The following GMDS variants were observed in gnomAD, a reference collection of about 807,000 sequenced individuals.
The protein encoded by GMDS is GDP-mannose 4,6 dehydratase.
A neutral mutation model predicts 49.9 loss-of-function variants in GMDS; 20 were observed. The ratio of observed to expected loss-of-function variants is 0.40; its 90% CI spans 0.28 to 0.58. The LOEUF (loss-of-function observed/expected upper bound fraction) is 0.58. Ranked by LOEUF, GMDS falls within the 20% of genes least tolerant of loss-of-function variation. GMDS has a pLI of 0.42. For synonymous variants in GMDS, 177 were observed against 178.6 expected, an observed-to-expected ratio of 0.99 and a Z score of 0.07; for missense variants, 362 against 481.4, an observed-to-expected ratio of 0.75 and a Z score of 2.32.
At chr6:1,961,842 G>C (rs1763961265) in intron 4 of GMDS, among the ~76,000 whole-genome samples, 1 of 152,202 alleles carries the variant, frequency 6.6e-6, no homozygotes, top group Non-Finnish European at 1.5e-5. Context: ...GCTGGGTCCT[G>C]CATGTGTGCC....
intron 4 of GMDS, among the ~76,000 whole-genome samples, chr6:2,063,905 A>G (rs1327690531): frequency 6.6e-6 from 1 of 152,246 alleles, no homozygotes; most frequent in Non-Finnish European, 1.5e-5. Flanking sequence ...AAGAACAGCA[A>G]TAAATAAAAC....
chr6:2,209,606 TTCTC>T (rs143707347), intron 1 of GMDS, among the ~76,000 whole-genome samples: 1,791 of 120,914 alleles, frequency 0.015, 11 homozygotes, highest in African/African-American at 0.028. Context: ...CACACACACG[TTCTC>T]TCTCTCTCTC....
At chr6:2,164,527 T>C (rs1777564299) in intron 1 of GMDS, among the ~76,000 whole-genome samples, 1 of 152,154 alleles carries the variant, frequency 6.6e-6, no homozygotes, top group African/African-American at 2.4e-5. Context: ...CTACTCCCAT[T>C]GGGGGTGGAG....
intron 4 of GMDS, among the ~76,000 whole-genome samples, chr6:2,014,312 T>C (rs951098495): frequency 6.6e-6 from 1 of 151,800 alleles, no homozygotes; most frequent in Admixed American, 6.6e-5. Context: ...AATGAAATCG[T>C]TTTTATTCTT....
At chr6:1,700,079 G>A (rs1364454277) in intron 9 of GMDS, among the ~76,000 whole-genome samples, 4 of 152,124 alleles carry the variant, frequency 2.6e-5, no homozygotes, top group African/African-American at 2.4e-5. Flanking sequence ...CCTCCGCACC[G>A]ACACCAAAGT....
intron 7 of GMDS, among the ~76,000 whole-genome samples, chr6:1,903,040 C>T (rs192935314): frequency 5.3e-5 from 8 of 152,180 alleles, no homozygotes; most frequent in Admixed American, 5.2e-4. Context: ...TCAAATGTGT[C>T]TATTATAAAT....
intron 7 of GMDS, among the ~76,000 whole-genome samples, chr6:1,753,144 C>G (rs758767559): frequency 2.5e-4 from 38 of 152,104 alleles, no homozygotes; most frequent in Non-Finnish European, 4.4e-4. Context: ...AGACCCATCT[C>G]ATGTGCAAAG....
intron 7 of GMDS, among the ~76,000 whole-genome samples, chr6:1,871,058 GCA>G (rs3839602): frequency 0.051 from 7,519 of 146,978 alleles, 584 homozygotes; most frequent in African/African-American, 0.17. Flanking sequence ...CTATCCCCCA[GCA>G]CACACACACA....
At chr6:1,758,264 A>G (rs1047860985) in intron 7 of GMDS, among the ~76,000 whole-genome samples, 1 of 152,222 alleles carries the variant, frequency 6.6e-6, no homozygotes, top group African/African-American at 2.4e-5. Flanking sequence ...CTTGGTCATT[A>G]TCTCCACCTC....
intron 9 of GMDS, among the ~76,000 whole-genome samples, chr6:1,706,586 G>A (rs1765745058): frequency 6.6e-6 from 1 of 152,194 alleles, no homozygotes; most frequent in South Asian, 2.1e-4. Context: ...ACCAGCGGAG[G>A]AGAACCCCTC....
At chr6:1,809,191 T>C (rs1354831441) in intron 7 of GMDS, among the ~76,000 whole-genome samples, 1 of 152,238 alleles carries the variant, frequency 6.6e-6, no homozygotes, top group Non-Finnish European at 1.5e-5. Flanking sequence ...TCAAAGTTGA[T>C]GACTTCTTAA....
chr6:2,131,661 G>A (rs1430503680), intron 1 of GMDS, among the ~76,000 whole-genome samples: 1 of 152,166 alleles, frequency 6.6e-6, no homozygotes, highest in Non-Finnish European at 1.5e-5. Context: ...AAGAACATCT[G>A]TAAATCCAAA....
Position 2,078,432 on chromosome 6 carries a change from T to G in GMDS, c.345+37339A>C, listed in dbSNP as rs1033122252. ...CTATAAACTTCATGTTAGTACTGCT[T>G]TTGCTGTATCCCACAGGTTTTGGTA... On this transcript the variant is annotated intron_variant, in intron 4 of 10. Coordinates refer to ENST00000380815, the MANE Select transcript of GMDS (RefSeq NM_001500.4). Among the ~76,000 whole-genome samples the G allele has an allele frequency of 6.6e-5, 10 of 152,132 alleles. No homozygotes were observed. In the South Asian group the frequency reaches 1.9e-3, roughly 28 times the overall value.
intron 9 of GMDS, among the ~76,000 whole-genome samples, chr6:1,651,263 G>C (rs1406348091): frequency 6.6e-6 from 1 of 152,220 alleles, no homozygotes; most frequent in African/African-American, 2.4e-5. Context: ...TGCTGGTTTG[G>C]AAAATTCAAT....
At chr6:2,022,132 G>A (rs79993476) in intron 4 of GMDS, among the ~76,000 whole-genome samples, 4,752 of 152,240 alleles carry the variant, frequency 0.031, 107 homozygotes, top group Middle Eastern at 0.082. Flanking sequence ...ACTCTTATAA[G>A]CTGTACCAAA....
chr6:1,899,831 A>G (rs917912752), intron 7 of GMDS, among the ~76,000 whole-genome samples: 1 of 148,646 alleles, frequency 6.7e-6, no homozygotes, highest in East Asian at 2.0e-4. Flanking sequence ...GCTGCTGAAG[A>G]AAGTCCACAC....
At chr6:2,187,810 C>A (rs1320804775) in intron 1 of GMDS, among the ~76,000 whole-genome samples, 11 of 152,156 alleles carry the variant, frequency 7.2e-5, no homozygotes, top group Non-Finnish European at 1.5e-5. Context: ...TTATTTTATT[C>A]AAGGAGACTG....
chr6:1,902,778 T>C (rs148304294), intron 7 of GMDS, among the ~76,000 whole-genome samples: 157 of 152,316 alleles, frequency 1.0e-3, no homozygotes, highest in Non-Finnish European at 1.7e-3. Context: ...AAAAACACTC[T>C]GATCACTCAA....
intron 4 of GMDS, among the ~76,000 whole-genome samples, chr6:2,027,911 C>T (rs1768700899): frequency 6.6e-6 from 1 of 152,014 alleles, no homozygotes; most frequent in African/African-American, 2.4e-5. Context: ...AAACTCATTG[C>T]CACTGCAGAG....
Sources: allele counts gnomAD v4.1 joint callset (sites outside exome capture counted in the v4.1 genomes callset), GRCh38; gene constraint gnomAD v4.1.1; transcripts MANE v1.5; gene names NCBI Gene and HGNC (gene_info 2026-07-23, HGNC 2026-07-21).